Variants in MBD5 observed in about 807,000 individuals in gnomAD.
The protein encoded by MBD5 is methyl-CpG binding domain protein 5.
Under a neutral mutation model 117.3 loss-of-function variants are expected in MBD5, and 13 were observed. That is an observed-to-expected ratio of 0.11 (90% CI 0.07 to 0.18). MBD5 has a LOEUF of 0.18. MBD5 is among the 10% of genes least tolerant of loss of function. The probability of loss-of-function intolerance (pLI) is 1.00; values close to 1 mark genes in which losing one functional copy is unlikely to be tolerated. For missense variants in MBD5, 1,879 were observed against 2,093.8 expected (o/e 0.90, Z 2.00); for synonymous variants, 727 against 766.4 (o/e 0.95, Z 0.85).
chr2:148,124,318 A>C (rs573593686), intron 1 of MBD5, among the ~76,000 whole-genome samples: 1 of 152,038 alleles, frequency 6.6e-6, no homozygotes, highest in African/African-American at 2.4e-5. Flanking sequence ...CACACAAAAA[A>C]CAAGAAAACC....
chr2:148,155,918 G>A (rs529861740), intron 1 of MBD5, among the ~76,000 whole-genome samples: 23 of 152,304 alleles, frequency 1.5e-4, no homozygotes, highest in African/African-American at 4.8e-4. Context: ...CTATACTCCT[G>A]TTACTATCTG....
intron 1 of MBD5, among the ~76,000 whole-genome samples, chr2:148,172,370 T>C (rs1349898464): frequency 6.6e-6 from 1 of 152,192 alleles, no homozygotes; most frequent in Non-Finnish European, 1.5e-5. Context: ...GCTGAGGCAC[T>C]CTTGTGACCA....
At chr2:148,479,933 T>C (rs1002321378) in intron 8 of MBD5, among the ~76,000 whole-genome samples, 1 of 152,178 alleles carries the variant, frequency 6.6e-6, no homozygotes, top group East Asian at 1.9e-4. Flanking sequence ...TACATTTTTC[T>C]AGTTCATAAT....
chr2:148,398,223 C>T (rs1044531557), intron 4 of MBD5, among the ~76,000 whole-genome samples: 9 of 152,116 alleles, frequency 5.9e-5, no homozygotes, highest in Non-Finnish European at 1.0e-4. Flanking sequence ...CCTGAGGAAT[C>T]GCCACACTGA....
intron 1 of MBD5, among the ~76,000 whole-genome samples, chr2:148,067,386 T>C (rs1695232947): frequency 1.3e-5 from 2 of 152,218 alleles, no homozygotes; most frequent in African/African-American, 4.8e-5. Context: ...TCGTTAGACA[T>C]AGAGCAAGCT....
At chr2:148,253,736 G>GA (rs1700519675) in intron 3 of MBD5, among the ~76,000 whole-genome samples, 1 of 152,106 alleles carries the variant, frequency 6.6e-6, no homozygotes, top group African/African-American at 2.4e-5. Flanking sequence ...GTTTCAACAT[G>GA]GCTTTACTCT....
At chr2:148,127,431 T>C (rs186196717) in intron 1 of MBD5, among the ~76,000 whole-genome samples, 1 of 152,244 alleles carries the variant, frequency 6.6e-6, no homozygotes, top group Non-Finnish European at 1.5e-5. Flanking sequence ...CTTCCCACTA[T>C]GTGTCCACGT....
intron 1 of MBD5, among the ~76,000 whole-genome samples, chr2:148,157,059 C>G (rs951936338): frequency 1.3e-5 from 2 of 152,022 alleles, no homozygotes; most frequent in Admixed American, 1.3e-4. Context: ...AATATGGTCA[C>G]CATTAAATAT....
intron 4 of MBD5, among the ~76,000 whole-genome samples, chr2:148,369,529 A>T (rs1254817180): frequency 6.6e-6 from 1 of 152,174 alleles, no homozygotes; most frequent in South Asian, 2.1e-4. Flanking sequence ...ATAGATGCTA[A>T]GATGACAAAT....
intron 1 of MBD5, among the ~76,000 whole-genome samples, chr2:148,050,146 C>A (rs1694654566): frequency 6.6e-6 from 1 of 152,156 alleles, no homozygotes; most frequent in Non-Finnish European, 1.5e-5. Flanking sequence ...AGTAGCTGCA[C>A]CATTTTCATT....
chr2:148,458,907 T>C, intron 5 of MBD5, 36 bp downstream of exon 5: 1 of 1,532,506 alleles, frequency 6.5e-7, no homozygotes, highest in South Asian at 1.1e-5. Flanking sequence ...ACCTGCAAAG[T>C]TGTACTCCAA....
intron 8 of MBD5, among the ~76,000 whole-genome samples, chr2:148,479,302 G>A (rs1376259348): frequency 1.3e-5 from 2 of 152,058 alleles, no homozygotes; most frequent in Non-Finnish European, 2.9e-5. Context: ...CCTGGCATTG[G>A]ACTAATACAC....
At chr2:148,084,805 A>T (rs2105184523) in intron 1 of MBD5, among the ~76,000 whole-genome samples, 2 of 152,314 alleles carry the variant, frequency 1.3e-5, no homozygotes, top group Middle Eastern at 6.8e-3. Flanking sequence ...GCTGGTTTTT[A>T]TCCTGAGGCA....
intron 8 of MBD5, among the ~76,000 whole-genome samples, chr2:148,479,870 T>A (rs1309372005): frequency 6.6e-6 from 1 of 152,060 alleles, no homozygotes; most frequent in African/African-American, 2.4e-5. Context: ...ACACCTGTTA[T>A]ACCTCTTAGC....
intron 3 of MBD5, among the ~76,000 whole-genome samples, chr2:148,338,897 T>C (rs1300029577): frequency 1.3e-5 from 2 of 152,216 alleles, no homozygotes; most frequent in Non-Finnish European, 2.9e-5. Flanking sequence ...CTGAATTGTA[T>C]GAGTTCTGCC....
chr2:148,448,674 T>C (rs554986289), intron 4 of MBD5, among the ~76,000 whole-genome samples: 95 of 152,178 alleles, frequency 6.2e-4, no homozygotes, highest in African/African-American at 2.3e-3. Context: ...TAAATATTAG[T>C]GTATATATAA....
chr2:148,502,444 C>G lies in MBD5; in HGVS notation c.4971C>G (p.Pro1657=). 1.2e-6 allele frequency: 2 copies of G among 1,614,030 alleles called. No individual in the cohort carries two copies. The highest frequency in any genetic ancestry group is 1.7e-6 in the Non-Finnish European group (2 of 1,179,952). The change falls in exon 12 of 14, where the codon CCC becomes CCG. Residue 1657 remains proline, a synonymous_variant. Coordinates refer to ENST00000642680, the MANE Select transcript of MBD5 (RefSeq NM_001378120.1). ...TTCATACCTTCACTCAGGTGGAGCC[C>G]GAGAAGTTGAAGACACTAACAGAAG... The part of the protein sequence containing the change: ...QQSPEEGKVE[P]EKLKTLTEGL...
chr2:148,204,142 A>G (rs1348898316), intron 2 of MBD5, among the ~76,000 whole-genome samples: 1 of 152,206 alleles, frequency 6.6e-6, no homozygotes, highest in East Asian at 1.9e-4. Flanking sequence ...TCCAGAAAGC[A>G]AGGACTCTGG....
intron 4 of MBD5, among the ~76,000 whole-genome samples, chr2:148,369,494 G>T (rs955053643): frequency 6.6e-6 from 1 of 152,080 alleles, no homozygotes; most frequent in Non-Finnish European, 1.5e-5. Context: ...TACTCTCAAA[G>T]ATTCCAGAAG....
Sources: allele counts gnomAD v4.1 joint callset (sites outside exome capture counted in the v4.1 genomes callset), GRCh38; gene constraint gnomAD v4.1.1; transcripts MANE v1.5; gene names NCBI Gene and HGNC (gene_info 2026-07-23, HGNC 2026-07-21).